SLC17A6: variants seen among roughly 807,000 people sequenced by gnomAD.
The protein encoded by SLC17A6 is vesicular glutamate transporter 2.
In SLC17A6, 35 loss-of-function variants were observed where a neutral mutation model predicts 67.1. The ratio of observed to expected loss-of-function variants is 0.52; its 90% confidence interval spans 0.40 to 0.69. The LOEUF is 0.69. SLC17A6 is among the 30% of genes least tolerant of loss of function. The pLI is 0.00. For missense variants in SLC17A6, 588 were observed against 723.9 expected (o/e 0.81, Z 2.15); for synonymous variants, 285 against 252.3 (o/e 1.13, Z -1.23).
In SLC17A6 at chr11:22,374,899, A is replaced by G. The variant is rs760682217; in HGVS notation, c.1174+12A>G. 31 of 1,606,330 alleles carry G rather than the reference A, an allele frequency of 1.9e-5. No individual in the cohort carries two copies. The South Asian group carries it at 3.1e-4, about 16-fold the overall frequency. Reference sequence around the variant, plus strand: ...CATGAATTGTGGTGGTAAGTACATAAGTGGCACTAAGGACATGTTTTTAGT... The same window carrying G: ...CATGAATTGTGGTGGTAAGTACATAGGTGGCACTAAGGACATGTTTTTAGT... On this transcript the variant is annotated intron_variant, in intron 9 of 11. Transcript: ENST00000263160.
chr11:22,347,829 C>G (rs563501045), intron 3 of SLC17A6, among the ~76,000 whole-genome samples: 3 of 152,286 alleles, frequency 2.0e-5, no homozygotes, highest in African/African-American at 7.2e-5. Context: ...TTAGAGAAAT[C>G]CATTTTAGCT....
rs188487211 is a variant in SLC17A6 at position 22,365,233 on chromosome 11, T to C, written c.749-314T>C. 2.8e-3 allele frequency among the ~76,000 whole-genome samples: 431 copies of C among 152,304 alleles called. 2 individuals are homozygous for C. The highest frequency in any genetic ancestry group is 0.02 in the Middle Eastern group (6 of 294). ...ATTTCTCTCACTTAACCAGAGTGCC[T>C]AGAATGCTAACTGCTAAGTATTGTC... On this transcript the variant is annotated intron_variant, in intron 6 of 11. Transcript: ENST00000263160.
intron 7 of SLC17A6, among the ~76,000 whole-genome samples, chr11:22,367,948 T>A (rs1321076492): frequency 6.6e-6 from 1 of 152,182 alleles, no homozygotes; most frequent in Non-Finnish European, 1.5e-5. Flanking sequence ...ACTTTTTTTA[T>A]TGTGAGTGAA....
At chr11:22,359,640 G>A (rs1480482741) in intron 4 of SLC17A6, 113 bp downstream of exon 4, 3 of 494,688 alleles carry the variant, frequency 6.1e-6, no homozygotes, top group Non-Finnish European at 9.9e-6. Context: ...CATCTAAATA[G>A]AGTTAAAATA....
At chr11:22,344,525 G>A (rs888043524) in intron 3 of SLC17A6, among the ~76,000 whole-genome samples, 1 of 152,182 alleles carries the variant, frequency 6.6e-6, no homozygotes, top group Non-Finnish European at 1.5e-5. Flanking sequence ...TAGAGTGAGG[G>A]TTTTGGGGCA....
At chr11:22,377,363 A>C in intron 11 of SLC17A6, 42 bp from the exon 12 acceptor site, 1 of 1,522,972 alleles carries the variant, frequency 6.6e-7, no homozygotes, top group South Asian at 1.3e-5. Context: ...CGTTTAAATC[A>C]TGGGGAGTCA....
At chr11:22,374,320 A>G (rs750885328) in intron 8 of SLC17A6, among the ~76,000 whole-genome samples, 18 of 152,198 alleles carry the variant, frequency 1.2e-4, no homozygotes, top group Non-Finnish European at 2.4e-4. Flanking sequence ...CATGATATAT[A>G]TATTTAAAGT....
chr11:22,359,743 G>C (rs376506649), intron 4 of SLC17A6, among the ~76,000 whole-genome samples: 9 of 152,026 alleles, frequency 5.9e-5, no homozygotes, highest in African/African-American at 1.7e-4. Context: ...CTTCTCTCTA[G>C]AATTGAGTGG....
chr11:22,366,812 C>A (rs1047999632), intron 7 of SLC17A6, among the ~76,000 whole-genome samples: 1 of 151,956 alleles, frequency 6.6e-6, no homozygotes, highest in Non-Finnish European at 1.5e-5. Flanking sequence ...TGAGACCAGT[C>A]TGGCCAACAT....
intron 8 of SLC17A6, among the ~76,000 whole-genome samples, chr11:22,372,878 C>A (rs1856190503): frequency 6.6e-6 from 1 of 152,070 alleles, no homozygotes; most frequent in Non-Finnish European, 1.5e-5. Flanking sequence ...TCCCCAAAAG[C>A]CAAGAAGACC....
intron 3 of SLC17A6, among the ~76,000 whole-genome samples, chr11:22,350,005 C>T (rs1300447744): frequency 6.6e-6 from 1 of 152,158 alleles, no homozygotes; most frequent in Non-Finnish European, 1.5e-5. Context: ...AAATGAACAT[C>T]ATCTGTAGAA....
Position 22,339,078 on chromosome 11 carries a change from TTA to T in SLC17A6, c.86+469_86+470del, listed in dbSNP as rs1554942737. Among the ~76,000 whole-genome samples the T allele has an allele frequency of 6.0e-4, 50 of 83,838 alleles. 1 individual carries two copies. The highest frequency in any genetic ancestry group is 8.4e-4 in the South Asian group (2 of 2,380). The allele number at this position is 83,838 out of a possible 152,430, so 55.0% of individuals were successfully genotyped here. ...GTAATGGTTTATATATATATATATG[TTA>T]TATATATATGTTATATATATATGTT... On this transcript the variant is annotated intron_variant, in intron 1 of 11. Transcript: ENST00000263160.
intron 3 of SLC17A6, among the ~76,000 whole-genome samples, chr11:22,347,236 T>G (rs931562552): frequency 7.1e-6 from 1 of 141,278 alleles, no homozygotes; most frequent in African/African-American, 2.7e-5. Flanking sequence ...AACAAGGTGT[T>G]TGGGGATTAA....
chr11:22,353,880 T>C (rs1231015218), intron 3 of SLC17A6, among the ~76,000 whole-genome samples: 1 of 152,158 alleles, frequency 6.6e-6, no homozygotes. Context: ...TCTGGCATGG[T>C]ACTGCTAAAC....
chr11:22,348,233 T>C (rs1855900355), intron 3 of SLC17A6, among the ~76,000 whole-genome samples: 1 of 152,052 alleles, frequency 6.6e-6, no homozygotes, highest in Admixed American at 6.5e-5. Flanking sequence ...CATTGCAAAG[T>C]TTGCTTTCAG....
At chr11:22,341,813 C>T in intron 2 of SLC17A6, 33 bp downstream of exon 2, 1 of 1,608,848 alleles carries the variant, frequency 6.2e-7, no homozygotes, top group Non-Finnish European at 8.5e-7. Flanking sequence ...GGCTCCTGCC[C>T]TTCGGCCATG....
In SLC17A6 at chr11:22,363,234, G is replaced by C. The variant is rs145782906; in HGVS notation, c.748+409G>C. Among the ~76,000 whole-genome samples the C allele has an allele frequency of 9.7e-4, 143 of 147,350 alleles. 2 individuals are homozygous for C. The highest frequency in any genetic ancestry group is 2.8e-3 in the African/African-American group (115 of 40,520). ...TGAATGGGGGTGGAAAGCTGAAAGG[G>C]GGGGTGGAAAGCTGAAAGGGGGTGG... On this transcript the variant is annotated intron_variant, in intron 6 of 11. Transcript: ENST00000263160.
At position 22,339,180 on chromosome 11, in the gene SLC17A6, T is replaced by TATATATATATG. The variant is rs60420630; in HGVS notation, c.86+561_86+562insATATATATATG. ...ATATATATATGTTATATATATATGT[T>TATATATATATG]TTATATATATATATATATATATATG... On this transcript the variant is annotated intron_variant, in intron 1 of 11. Coordinates refer to ENST00000263160, the MANE Select transcript of SLC17A6 (RefSeq NM_020346.3). 6.5e-4 allele frequency among the ~76,000 whole-genome samples: 21 copies of TATATATATATG among 32,138 alleles called. 6 individuals carry two copies. Among genetic ancestry groups the TATATATATATG allele is most frequent in the African/African-American group, 2.9e-3 (20 of 6,908 alleles). The allele number at this position is 32,138 out of a possible 152,430, so 21.1% of individuals were successfully genotyped here. A position where few individuals can be genotyped will look rare whatever the true frequency, so the allele number is the denominator to read the frequency against.
chr11:22,348,457 T>C (rs1219967292), intron 3 of SLC17A6, among the ~76,000 whole-genome samples: 1 of 152,170 alleles, frequency 6.6e-6, no homozygotes, highest in Admixed American at 6.5e-5. Flanking sequence ...TCTGCCCTTT[T>C]CTCCGCAAAA....
Sources: allele counts gnomAD v4.1 joint callset (sites outside exome capture counted in the v4.1 genomes callset), GRCh38; gene constraint gnomAD v4.1.1; transcripts MANE v1.5; gene names NCBI Gene and HGNC (gene_info 2026-07-23, HGNC 2026-07-21).